Variants in STPG2 observed in about 807,000 individuals in gnomAD.
The protein encoded by STPG2 is sperm tail PG-rich repeat containing 2, also known as sperm-tail PG-rich repeat-containing protein 2.
In STPG2, 56 loss-of-function variants were observed where a neutral mutation model predicts 54.2. The ratio of observed to expected loss-of-function variants is 1.03; its 90% confidence interval spans 0.83 to 1.29. The LOEUF (loss-of-function observed/expected upper bound fraction) is 1.29. Ranked by LOEUF, STPG2 falls within the 50% of genes most tolerant of loss-of-function variation. STPG2 has a pLI of 0.00. For synonymous variants in STPG2, 200 were observed against 181.8 expected (o/e 1.10, Z -0.81); for missense variants, 596 against 544.9 (o/e 1.09, Z -0.93).
chr4:98,087,782 A>C (rs911206003), intron 5 of STPG2, among the ~76,000 whole-genome samples: 9 of 151,942 alleles, frequency 5.9e-5, no homozygotes, highest in Non-Finnish European at 1.3e-4. Context: ...GGATGGTCTC[A>C]ATCTCCTGAC....
intron 9 of STPG2, among the ~76,000 whole-genome samples, chr4:97,776,787 A>G (rs1726392009): frequency 6.6e-6 from 1 of 152,198 alleles, no homozygotes; most frequent in South Asian, 2.1e-4. Context: ...ACAGAAAGAT[A>G]ATCTCTGAAA....
chr4:98,098,676 G>C (rs1455434717), intron 5 of STPG2, among the ~76,000 whole-genome samples: 2 of 152,102 alleles, frequency 1.3e-5, no homozygotes, highest in Non-Finnish European at 2.9e-5. Flanking sequence ...AATCAACAAA[G>C]TGAAGAGACA....
chr4:97,613,931 A>G (rs1733795458), intron 10 of STPG2, among the ~76,000 whole-genome samples: 2 of 151,998 alleles, frequency 1.3e-5, no homozygotes, highest in African/African-American at 4.8e-5. Context: ...AATGGTATTT[A>G]GAAAATAAGA....
At chr4:97,539,066 T>G (rs937082774) in intron 4 of STPG2, among the ~76,000 whole-genome samples, 1 of 152,108 alleles carries the variant, frequency 6.6e-6, no homozygotes, top group Non-Finnish European at 1.5e-5. Context: ...AAGGAAAAAC[T>G]GGTACCAGCC....
At chr4:97,519,888 AG>A (rs1226409913) in intron 4 of STPG2, among the ~76,000 whole-genome samples, 1 of 152,058 alleles carries the variant, frequency 6.6e-6, no homozygotes, top group Non-Finnish European at 1.5e-5. Flanking sequence ...AACTAGTTGA[AG>A]GATCAGGCTC....
chr4:97,860,813 T>C (rs1318970297), intron 8 of STPG2, among the ~76,000 whole-genome samples: 1 of 152,160 alleles, frequency 6.6e-6, no homozygotes, highest in Non-Finnish European at 1.5e-5. Flanking sequence ...AACTACTATG[T>C]GGAATAGAAG....
At chr4:98,018,779 C>T (rs1736063370) in intron 5 of STPG2, among the ~76,000 whole-genome samples, 1 of 151,838 alleles carries the variant, frequency 6.6e-6, no homozygotes, top group Non-Finnish European at 1.5e-5. Flanking sequence ...TGATGATGAG[C>T]ATTTTTTCAT....
At chr4:97,570,103 T>C (rs1732561079) in intron 10 of STPG2, among the ~76,000 whole-genome samples, 1 of 152,076 alleles carries the variant, frequency 6.6e-6, no homozygotes, top group African/African-American at 2.4e-5. Context: ...AAAGCCTCTT[T>C]CAGATTAAAG....
At chr4:97,822,097 A>C (rs1728112834) in intron 9 of STPG2, among the ~76,000 whole-genome samples, 1 of 152,188 alleles carries the variant, frequency 6.6e-6, no homozygotes, top group Non-Finnish European at 1.5e-5. Context: ...TTCCCCTTTA[A>C]ATGTAAATTC....
chr4:97,752,626 T>A (rs1313142886), intron 9 of STPG2, among the ~76,000 whole-genome samples: 1 of 151,822 alleles, frequency 6.6e-6, no homozygotes. Context: ...CAGCTTTACA[T>A]CACTTTCCAT....
intron 10 of STPG2, among the ~76,000 whole-genome samples, chr4:97,595,202 A>G (rs992962920): frequency 6.6e-6 from 1 of 152,210 alleles, no homozygotes; most frequent in Admixed American, 6.5e-5. Flanking sequence ...AACCAACCCA[A>G]ATGTCCAACA....
chr4:97,506,014 G>A (rs1275351823), intron 4 of STPG2, among the ~76,000 whole-genome samples: 4 of 62,338 alleles, frequency 6.4e-5, no homozygotes, highest in Non-Finnish European at 1.2e-4. Context: ...CAGAAAATAG[G>A]AGACCAAAAA....
At chr4:97,957,916 G>C (rs1024877791) in intron 7 of STPG2, among the ~76,000 whole-genome samples, 1 of 152,074 alleles carries the variant, frequency 6.6e-6, no homozygotes, top group Non-Finnish European at 1.5e-5. Flanking sequence ...CTGCTAAAAG[G>C]AGCCCTAAAT....
At chr4:97,874,132 T>G (rs1560565962) in intron 8 of STPG2, among the ~76,000 whole-genome samples, 1 of 151,578 alleles carries the variant, frequency 6.6e-6, no homozygotes, top group Admixed American at 6.6e-5. Context: ...GTAAATTTTA[T>G]CAATCAAAAT....
rs1278352674 is a variant in STPG2 at position 97,842,445 on chromosome 4, G to A, written c.1045-1513C>T. On this transcript the variant is annotated intron_variant, in intron 8 of 10. Coordinates refer to ENST00000295268, the MANE Select transcript of STPG2 (RefSeq NM_174952.3). ...GATTATAAAAACACAAAGAGATCCT[G>A]TGCATACAATATGCCTAGTGTAAAT... 5.9e-5 allele frequency among the ~76,000 whole-genome samples: 9 copies of A among 151,890 alleles called. 1 individual carries two copies. The highest frequency in any genetic ancestry group is 5.9e-4 in the Admixed American group (9 of 15,220).
chr4:97,830,057 C>G (rs1222073755), intron 9 of STPG2, among the ~76,000 whole-genome samples: 2 of 151,980 alleles, frequency 1.3e-5, no homozygotes, highest in East Asian at 1.9e-4. Flanking sequence ...AGAGAAACCC[C>G]AAGACACATA....
At chr4:97,676,004 CTA>C (rs924263380) in intron 10 of STPG2, among the ~76,000 whole-genome samples, 10 of 143,284 alleles carry the variant, frequency 7.0e-5, no homozygotes, top group Non-Finnish European at 1.1e-4. Flanking sequence ...CATATATATA[CTA>C]TATATATTAC....
chr4:97,800,430 A>G (rs1419858587), intron 9 of STPG2, among the ~76,000 whole-genome samples: 2 of 152,144 alleles, frequency 1.3e-5, no homozygotes, highest in Non-Finnish European at 2.9e-5. Flanking sequence ...GGCCTGTTAG[A>G]GTTTGCTGGA....
chr4:97,615,521 C>T (rs1389823898), intron 10 of STPG2, among the ~76,000 whole-genome samples: 1 of 152,036 alleles, frequency 6.6e-6, no homozygotes, highest in African/African-American at 2.4e-5. Context: ...CTCCTAGCCT[C>T]ATGAGATCCT....
Sources: allele counts gnomAD v4.1 joint callset (sites outside exome capture counted in the v4.1 genomes callset), GRCh38; gene constraint gnomAD v4.1.1; transcripts MANE v1.5; gene names NCBI Gene and HGNC (gene_info 2026-07-23, HGNC 2026-07-21).